The following RICTOR variants were observed in gnomAD, a reference collection of about 807,000 sequenced individuals.
RICTOR encodes rapamycin-insensitive companion of mTOR.
A neutral mutation model predicts 214.9 loss-of-function variants in RICTOR; 49 were observed. The ratio of observed to expected loss-of-function variants is 0.23; its 90% CI spans 0.18 to 0.29. RICTOR has a LOEUF of 0.29. Among genes scored for constraint, RICTOR ranks in the 10% least tolerant of loss-of-function variants. RICTOR has a pLI of 1.00. For synonymous variants in RICTOR, 717 were observed against 711.3 expected, an observed-to-expected ratio of 1.01 and a Z score of -0.13; for missense variants, 1,625 against 2,047.0, an observed-to-expected ratio of 0.79 and a Z score of 3.98.
intron 5 of RICTOR, among the ~76,000 whole-genome samples, chr5:38,997,922 A>T (rs1753297454): frequency 6.6e-6 from 1 of 152,242 alleles, no homozygotes; most frequent in Admixed American, 6.5e-5. Context: ...GAAGAAAGTG[A>T]GCTAAAATCT....
chr5:38,993,778 C>T (rs934481940), intron 6 of RICTOR, among the ~76,000 whole-genome samples: 2 of 152,084 alleles, frequency 1.3e-5, no homozygotes, highest in African/African-American at 4.8e-5. Context: ...AAATCAAAAA[C>T]TTTCTGAGAC....
intron 12 of RICTOR, 142 bp downstream of exon 12, chr5:38,967,801 T>G: frequency 1.8e-6 from 1 of 552,504 alleles, no homozygotes; most frequent in Non-Finnish European, 3.3e-6. Flanking sequence ...GAGGTTTTAT[T>G]TTTATATTAA....
At chr5:39,057,880 T>G (rs1023966921) in intron 2 of RICTOR, among the ~76,000 whole-genome samples, 1 of 152,154 alleles carries the variant, frequency 6.6e-6, no homozygotes, top group African/African-American at 2.4e-5. Context: ...TTAATACTCA[T>G]AGTTAATTAT....
At chr5:38,967,309 T>G (rs1233088334) in intron 13 of RICTOR, 28 bp downstream of exon 13, 2 of 1,598,902 alleles carry the variant, frequency 1.3e-6, no homozygotes, top group South Asian at 2.2e-5. Flanking sequence ...TTCTAATAAA[T>G]TGAAACCCTT....
At chr5:38,972,707 T>C (rs1750887076) in intron 10 of RICTOR, among the ~76,000 whole-genome samples, 1 of 152,092 alleles carries the variant, frequency 6.6e-6, no homozygotes, top group African/African-American at 2.4e-5. Context: ...CAGTTTCTCA[T>C]GGACACAAAC....
chr5:38,982,097 T>C, intron 7 of RICTOR, 61 bp from the exon 8 acceptor site: 2 of 1,279,924 alleles, frequency 1.6e-6, no homozygotes, highest in Non-Finnish European at 2.2e-6. Flanking sequence ...ATAAAAAATC[T>C]AGGCTTTAAA....
rs1757728823 is a variant in RICTOR at position 39,049,829 on chromosome 5, T to C, written c.97+24282A>G. On this transcript the variant is annotated intron_variant, in intron 2 of 37. Transcript: ENST00000357387. ...AAGAAAGACCTAGCTGAAGATACTA[T>C]ACAGAACTTGGCTTCTCAGGAAAAA... 3.9e-5 allele frequency among the ~76,000 whole-genome samples: 6 copies of C among 152,156 alleles called. No homozygotes were observed. The South Asian group carries it at 1.2e-3, about 32-fold the overall frequency.
chr5:38,945,443 A>G (rs982023287), intron 34 of RICTOR, 48 bp downstream of exon 34: 4 of 1,270,726 alleles, frequency 3.1e-6, no homozygotes. Context: ...AAACCAGAGA[A>G]CTTTAGTCAT....
At chr5:38,993,496 A>G (rs1160410175) in intron 6 of RICTOR, among the ~76,000 whole-genome samples, 1 of 152,132 alleles carries the variant, frequency 6.6e-6, no homozygotes, top group African/African-American at 2.4e-5. Context: ...ATGGAAAAGA[A>G]AAAAGCAGAC....
At chr5:38,944,336 A>G in intron 36 of RICTOR, 110 bp downstream of exon 36, 1 of 1,096,318 alleles carries the variant, frequency 9.1e-7, no homozygotes, top group Non-Finnish European at 1.4e-6. Context: ...AATGCAGTTT[A>G]GAACTACTGA....
At chr5:39,040,155 A>T in intron 2 of RICTOR, among the ~76,000 whole-genome samples, 1 of 152,128 alleles carries the variant, frequency 6.6e-6, no homozygotes, top group Non-Finnish European at 1.5e-5. Context: ...TGATGAGTTC[A>T]TGTCCTTTGT....
chr5:38,968,076 T>C (rs1750384952), intron 11 of RICTOR, 46 bp from the exon 12 acceptor site: 3 of 1,061,408 alleles, frequency 2.8e-6, no homozygotes, highest in African/African-American at 1.6e-5. Context: ...ATGAAACACT[T>C]TTAAGATTTT....
intron 2 of RICTOR, among the ~76,000 whole-genome samples, chr5:39,056,029 C>A (rs1232170934): frequency 2.6e-5 from 4 of 152,116 alleles, no homozygotes; most frequent in African/African-American, 9.7e-5. Context: ...TCTCTTAACC[C>A]AGAAAGATTT....
chr5:39,015,666 C>T (rs1436583047), intron 3 of RICTOR, among the ~76,000 whole-genome samples: 1 of 151,866 alleles, frequency 6.6e-6, no homozygotes, highest in Non-Finnish European at 1.5e-5. Flanking sequence ...TTGAAGAACC[C>T]TGATTTACAG....
chr5:39,054,525 C>A (rs1490471377), intron 2 of RICTOR, among the ~76,000 whole-genome samples: 1 of 152,178 alleles, frequency 6.6e-6, no homozygotes, highest in East Asian at 1.9e-4. Flanking sequence ...TAAATGAAAG[C>A]ATCTAGCTGC....
At chr5:38,958,885 C>T in intron 22 of RICTOR, 54 bp from the exon 23 acceptor site, 2 of 1,242,308 alleles carry the variant, frequency 1.6e-6, no homozygotes, top group Non-Finnish European at 2.2e-6. Flanking sequence ...CATAAATAGC[C>T]TATTTGATTT....
At chr5:38,983,516 G>T (rs1028649149) in intron 7 of RICTOR, among the ~76,000 whole-genome samples, 4 of 152,150 alleles carry the variant, frequency 2.6e-5, no homozygotes, top group African/African-American at 9.7e-5. Flanking sequence ...CAAGGATGTG[G>T]TATCTGTAGA....
At chr5:38,953,984 G>C in intron 27 of RICTOR, among the ~76,000 whole-genome samples, 1 of 151,752 alleles carries the variant, frequency 6.6e-6, no homozygotes, top group Non-Finnish European at 1.5e-5. Flanking sequence ...TAGTAACACT[G>C]AGAAAATCAT....
chr5:38,977,828 C>G (rs1409159884), intron 9 of RICTOR, among the ~76,000 whole-genome samples: 1 of 151,938 alleles, frequency 6.6e-6, no homozygotes, highest in African/African-American at 2.4e-5. Context: ...CTCAGGCGGT[C>G]CACCCGCCTC....
Sources: gnomAD v4.1 joint callset for allele counts (sites outside exome capture counted in the v4.1 genomes callset) on GRCh38, gnomAD v4.1.1 for gene constraint, MANE v1.5 for transcripts, NCBI Gene and HGNC (gene_info 2026-07-23, HGNC 2026-07-21) for gene names.